Variants in RGS6 observed in about 807,000 individuals in gnomAD.
RGS6 encodes regulator of G-protein signaling 6.
In RGS6, 30 loss-of-function variants were observed where a neutral mutation model predicts 78.5. That is an observed-to-expected ratio of 0.38 (90% confidence interval 0.29 to 0.52). RGS6 has a LOEUF of 0.52. Among genes scored for constraint, RGS6 ranks in the 20% least tolerant of loss-of-function variants. The probability of loss-of-function intolerance (pLI) is 0.85; values close to 1 mark genes in which losing one functional copy is unlikely to be tolerated. For missense variants in RGS6, 495 were observed against 609.7 expected, an observed-to-expected ratio of 0.81 and a Z score of 1.98; for synonymous variants, 206 against 206.0, an observed-to-expected ratio of 1.00 and a Z score of 0.00.
the RGS6 span, among the ~76,000 whole-genome samples, chr14:71,916,626 C>T: frequency 1.3e-4 from 20 of 152,080 alleles, no homozygotes; most frequent in Non-Finnish European, 2.1e-4. Flanking sequence ...ACGCCGAGCC[C>T]GACCCCATTC....
At position 72,140,909 on chromosome 14, in the gene RGS6, G is replaced by A. The variant is rs186668795; in HGVS notation, c.84+176034G>A. 2.7e-3 allele frequency among the ~76,000 whole-genome samples: 404 copies of A among 152,360 alleles called. 3 individuals carry two copies. Among genetic ancestry groups the A allele is most frequent in the Middle Eastern group, 0.01 (3 of 294 alleles). ...CATAAGCTTGGACTTGGTCCCCACT[G>A]TGTTTGATTTGGGAGAGGTTCTTTG... On this transcript the variant is annotated intron_variant, in intron 2 of 17. Coordinates refer to ENST00000553525, the MANE Select transcript of RGS6 (RefSeq NM_001204424.2).
the RGS6 span, among the ~76,000 whole-genome samples, chr14:72,611,813 T>C: frequency 6.6e-6 from 1 of 151,944 alleles, no homozygotes; most frequent in Non-Finnish European, 1.5e-5. Context: ...CTCCACAGGG[T>C]AGAAATCACT....
At chr14:71,947,546 G>A (rs200822895) in intron 1 of RGS6, among the ~76,000 whole-genome samples, 5 of 152,052 alleles carry the variant, frequency 3.3e-5, no homozygotes, top group Non-Finnish European at 5.9e-5. Context: ...TTGCAGTGGC[G>A]TGGTGTTGGC....
rs182542477 is a variant in RGS6, at chr14:72,265,614, C to T, written c.85-86481C>T. The stretch of plus-strand genomic sequence containing the variant: ...ATCACCACCTGCCGCTAACTACTGA[C>T]GGCTACCCAATGGCCACAAGGCACA... On this transcript the variant is annotated intron_variant, in intron 2 of 17. Transcript: ENST00000553525. 3.0e-3 allele frequency among the ~76,000 whole-genome samples: 464 copies of T among 152,306 alleles called. 1 individual carries two copies. Among genetic ancestry groups the T allele is most frequent in the African/African-American group, 0.011 (443 of 41,568 alleles).
chr14:71,906,124 G>C, the RGS6 span, among the ~76,000 whole-genome samples: 7 of 152,220 alleles, frequency 4.6e-5, no homozygotes, highest in Non-Finnish European at 8.8e-5. Context: ...AGCTGTCACA[G>C]AGCAAGGAGA....
At chr14:72,478,870 A>C (rs1274964852) in intron 12 of RGS6, among the ~76,000 whole-genome samples, 1 of 152,186 alleles carries the variant, frequency 6.6e-6, no homozygotes, top group Admixed American at 6.5e-5. Context: ...TTCATTCTGC[A>C]CCAGTAGCTA....
intron 2 of RGS6, among the ~76,000 whole-genome samples, chr14:72,146,225 CTCT>C (rs1345203411): frequency 7.2e-5 from 11 of 152,244 alleles, no homozygotes; most frequent in African/African-American, 2.2e-4. Flanking sequence ...TTCATGAGGG[CTCT>C]GCCCTCATGA....
intron 1 of RGS6, among the ~76,000 whole-genome samples, chr14:71,961,211 G>A (rs2093170074): frequency 6.6e-6 from 1 of 152,282 alleles, no homozygotes; most frequent in African/African-American, 2.4e-5. Flanking sequence ...GAGATGGGCT[G>A]GGATATAGGC....
At chr14:72,454,406 A>C (rs747447673) in intron 3 of RGS6, 122 bp from the exon 4 acceptor site, 4 of 1,011,452 alleles carry the variant, frequency 4.0e-6, no homozygotes, top group Non-Finnish European at 6.3e-6. Context: ...AAAAGTGCCC[A>C]TATTATCCTG....
At chr14:72,241,918 TATA>T (rs1297487100) in intron 2 of RGS6, among the ~76,000 whole-genome samples, 1 of 152,224 alleles carries the variant, frequency 6.6e-6, no homozygotes, top group African/African-American at 2.4e-5. Flanking sequence ...CTAATACAAT[TATA>T]ATAATATTAA....
rs2091544403 is a variant in RGS6 at position 72,035,375 on chromosome 14, CTA to C, written c.84+70504_84+70505del. Among the ~76,000 whole-genome samples, 7 of 151,314 alleles carry C rather than the reference CTA, an allele frequency of 4.6e-5. No homozygotes were observed. The South Asian group carries it at 1.5e-3, about 32-fold the overall frequency. On this transcript the variant is annotated intron_variant, in intron 2 of 17. Transcript: ENST00000553525. ...TTTTGATTTTTGTTATTTGAATCCT[CTA>C]TATTTAGTCTGAGGATTTATCAATT...
At chr14:72,125,020 G>A (rs768597813) in intron 2 of RGS6, among the ~76,000 whole-genome samples, 5 of 152,182 alleles carry the variant, frequency 3.3e-5, no homozygotes, top group East Asian at 3.9e-4. Flanking sequence ...TTTTGCAAAG[G>A]TTCTCTTTCA....
intron 2 of RGS6, among the ~76,000 whole-genome samples, chr14:72,104,188 G>A (rs1052197066): frequency 3.3e-5 from 5 of 151,910 alleles, no homozygotes; most frequent in Admixed American, 1.3e-4. Flanking sequence ...GGGCGCCCCC[G>A]GTTTTGCTCT....
intron 2 of RGS6, among the ~76,000 whole-genome samples, chr14:72,059,299 A>ATG (rs1249986138): frequency 1.3e-5 from 2 of 152,184 alleles, no homozygotes; most frequent in African/African-American, 4.8e-5. Flanking sequence ...GAAGTCTTGT[A>ATG]TGTGTATATC....
intron 2 of RGS6, among the ~76,000 whole-genome samples, chr14:72,117,305 A>G (rs1049713059): frequency 2.6e-5 from 4 of 151,446 alleles, no homozygotes; most frequent in African/African-American, 9.7e-5. Context: ...ATGAGAGGAG[A>G]TCCCTCATGA....
the RGS6 span, among the ~76,000 whole-genome samples, chr14:71,902,267 C>T: frequency 1.3e-5 from 2 of 152,152 alleles, no homozygotes; most frequent in East Asian, 3.8e-4. Flanking sequence ...TCTGGGAAAA[C>T]ATGAGTTGCC....
At chr14:72,031,454 C>G (rs1227002818) in intron 2 of RGS6, among the ~76,000 whole-genome samples, 1 of 151,924 alleles carries the variant, frequency 6.6e-6, no homozygotes, top group Non-Finnish European at 1.5e-5. Context: ...ACATATTTCC[C>G]ATGGAGTAAA....
chr14:71,879,281 G>T, the RGS6 span, among the ~76,000 whole-genome samples: 1 of 152,206 alleles, frequency 6.6e-6, no homozygotes, highest in Non-Finnish European at 1.5e-5. Flanking sequence ...AATGAAAGAA[G>T]ATTTGGCTGG....
intron 3 of RGS6, among the ~76,000 whole-genome samples, chr14:72,409,553 C>G (rs2093231061): frequency 6.6e-6 from 1 of 150,378 alleles, no homozygotes; most frequent in South Asian, 2.1e-4. Context: ...TGGCAACTGC[C>G]TATTTTTTTT....
Sources: gnomAD v4.1 joint callset for allele counts (sites outside exome capture counted in the v4.1 genomes callset) on GRCh38, gnomAD v4.1.1 for gene constraint, MANE v1.5 for transcripts, NCBI Gene and HGNC (gene_info 2026-07-23, HGNC 2026-07-21) for gene names.